GLT6D1: variants seen among roughly 807,000 people sequenced by gnomAD.
The protein encoded by GLT6D1 is putative glycosyltransferase 6 domain-containing protein 1.
Under a neutral mutation model 12.3 loss-of-function variants are expected in GLT6D1, and 9 were observed. The observed-to-expected ratio is 0.73, with a 90% confidence interval of 0.44 to 1.27. The LOEUF (loss-of-function observed/expected upper bound fraction) is 1.27, where lower values mean the gene tolerates loss of function less well. Among genes scored for constraint, GLT6D1 ranks in the 50% most tolerant of loss-of-function variants. GLT6D1 has a pLI of 0.00. For synonymous variants in GLT6D1, 128 were observed against 132.3 expected, an observed-to-expected ratio of 0.97 and a Z score of 0.23; for missense variants, 335 against 346.2, an observed-to-expected ratio of 0.97 and a Z score of 0.26.
Position 135,639,309 on chromosome 9 carries a change from A to G in GLT6D1, c.-23T>C, listed in dbSNP as rs1039510510. On this transcript the variant is annotated 5_prime_UTR_variant, in exon 1 of 5. Transcript: ENST00000371763. The stretch of plus-strand genomic sequence containing the variant: ...GACACCAACCTTAGAGGTTGCTTCT[A>G]GAATGTTCAGCTGGCAGGAGACAGC... The G allele has an allele frequency of 1.0e-5, 6 of 574,950 alleles. No homozygotes were observed. In the Admixed American group the frequency reaches 1.3e-4, roughly 13 times the overall value. The allele number at this position is 574,950 out of a possible 1,614,324, so 35.6% of individuals were successfully genotyped here. A position where few individuals can be genotyped will look rare whatever the true frequency, so the allele number is the denominator to read the frequency against.
intron 3 of GLT6D1, among the ~76,000 whole-genome samples, chr9:135,628,233 C>T (rs763799192): frequency 6.6e-6 from 1 of 152,004 alleles, no homozygotes; most frequent in East Asian, 1.9e-4. Context: ...ACTTTTGACT[C>T]ATCAGGTTGA....
chr9:135,630,337 C>T (rs1179639518), intron 3 of GLT6D1, among the ~76,000 whole-genome samples: 1 of 144,386 alleles, frequency 6.9e-6, no homozygotes, highest in Non-Finnish European at 1.5e-5. Flanking sequence ...ACCCAGCAGG[C>T]AGAGCTTGCA....
At position 135,639,283 on chromosome 9, in the gene GLT6D1, G is replaced by T; in HGVS notation, c.-7+10C>A. On this transcript the variant is annotated intron_variant, in intron 1 of 4. Coordinates refer to ENST00000371763, the MANE Select transcript of GLT6D1 (RefSeq NM_182974.3). ...AACAATGGGTTAATGTATGGGCATT[G>T]GACACCAACCTTAGAGGTTGCTTCT... 1 of 677,096 alleles carries T rather than the reference G, an allele frequency of 1.5e-6. No individual in the cohort carries two copies. Among genetic ancestry groups the T allele is most frequent in the East Asian group, 2.9e-5 (1 of 34,574 alleles). 41.9% of individuals were successfully genotyped at this position (677,096 alleles called of 1,614,324 possible). A position where few individuals can be genotyped will look rare whatever the true frequency, so the allele number is the denominator to read the frequency against.
At chr9:135,634,227 C>G (rs1040889226) in intron 2 of GLT6D1, among the ~76,000 whole-genome samples, 2 of 152,146 alleles carry the variant, frequency 1.3e-5, no homozygotes, top group African/African-American at 4.8e-5. Flanking sequence ...CTCCCAGATT[C>G]AAGCTATTCT....
At chr9:135,630,018 T>C (rs1050309580) in intron 3 of GLT6D1, among the ~76,000 whole-genome samples, 1 of 152,212 alleles carries the variant, frequency 6.6e-6, no homozygotes, top group Non-Finnish European at 1.5e-5. Flanking sequence ...TATAAATATG[T>C]TTTTATACAT....
At chr9:135,629,152 T>G (rs905173868) in intron 3 of GLT6D1, among the ~76,000 whole-genome samples, 7 of 152,112 alleles carry the variant, frequency 4.6e-5, no homozygotes, top group Non-Finnish European at 1.5e-5. Context: ...TGTATAAAGT[T>G]TAAGACCAGC....
chr9:135,630,895 C>T (rs1317862373), intron 3 of GLT6D1, among the ~76,000 whole-genome samples: 1 of 151,156 alleles, frequency 6.6e-6, no homozygotes, highest in Non-Finnish European at 1.5e-5. Context: ...TTAAAATTTA[C>T]ATCAAAAATT....
Position 135,625,980 on chromosome 9 carries a change from T to C in GLT6D1, c.257+89A>G, listed in dbSNP as rs545209493. The C allele has an allele frequency of 3.4e-4, 485 of 1,430,318 alleles. 2 individuals carry two copies. The African/African-American group carries it at 5.2e-3, about 15-fold the overall frequency. 88.6% of individuals were successfully genotyped at this position (1,430,318 alleles called of 1,614,324 possible). The stretch of plus-strand genomic sequence containing the variant: ...TATTGTTATCACTAATTATGCTTAA[T>C]TATGGTTGGCTCTTTGGAGGTTAAA... On this transcript the variant is annotated intron_variant, in intron 4 of 4. Coordinates refer to ENST00000371763, the MANE Select transcript of GLT6D1 (RefSeq NM_182974.3).
At chr9:135,634,465 G>GTTTTTTTTT (rs1833723992) in intron 2 of GLT6D1, among the ~76,000 whole-genome samples, 1 of 103,246 alleles carries the variant, frequency 9.7e-6, no homozygotes, top group Non-Finnish European at 1.8e-5. Context: ...TTTTTTTTTT[G>GTTTTTTTTT]GCATGATTTA....
At position 135,631,455 on chromosome 9, in the gene GLT6D1, C is replaced by T. The variant is rs764884818; in HGVS notation, c.95G>A (p.Arg32Gln). 84 of 1,611,350 alleles carry T rather than the reference C, an allele frequency of 5.2e-5. No homozygotes were observed. Among genetic ancestry groups the T allele is most frequent in the Non-Finnish European group, 6.5e-5 (77 of 1,177,768 alleles). ...CCTAGGATGAAACCAGTCTGAGAGC[C>T]GAAGTTCTTCTACTTGGTGATTCCT... ...YFRNHQVEEL[R>Q]LSDWFHPRKR... The change falls in exon 3 of 5, where the codon CGG (arginine) becomes CAG (glutamine). Residue 32 changes from arginine (R) to glutamine (Q), a missense_variant. Transcript: ENST00000371763.
chr9:135,639,048 A>T, intron 2 of GLT6D1, 69 bp downstream of exon 2: 1 of 837,372 alleles, frequency 1.2e-6, no homozygotes, highest in Non-Finnish European at 1.9e-6. Flanking sequence ...TAAATTAATT[A>T]ATTTAATTAA....
chr9:135,633,965 C>T (rs544342780), intron 2 of GLT6D1, among the ~76,000 whole-genome samples: 5 of 152,272 alleles, frequency 3.3e-5, no homozygotes, highest in Admixed American at 2.6e-4. Flanking sequence ...CATGGATTAG[C>T]GTATGGGTCC....
intron 3 of GLT6D1, among the ~76,000 whole-genome samples, 155 bp downstream of exon 3, chr9:135,631,276 G>A (rs1833640372): frequency 6.6e-6 from 1 of 152,192 alleles, no homozygotes; most frequent in Non-Finnish European, 1.5e-5. Flanking sequence ...TTGATCAACA[G>A]ACCCTGGTTT....
intron 3 of GLT6D1, among the ~76,000 whole-genome samples, chr9:135,630,177 G>C (rs1204261806): frequency 2.0e-5 from 3 of 151,732 alleles, no homozygotes; most frequent in African/African-American, 7.3e-5. Context: ...AGGCTAAGGA[G>C]GGTGGATCAC....
upstream of GLT6D1, among the ~76,000 whole-genome samples, chr9:135,640,187 T>C (rs1833863421): frequency 6.6e-6 from 1 of 152,122 alleles, no homozygotes; most frequent in South Asian, 2.1e-4. Flanking sequence ...ATGCAGCTGC[T>C]GTGAAATGAG....
In GLT6D1 at chr9:135,625,959, G is replaced by A. The variant is rs966577244; in HGVS notation, c.257+110C>T. ...TTTCTCCCCAGAAATCGTGGCTATT[G>A]TTATCACTAATTATGCTTAATTATG... On this transcript the variant is annotated intron_variant, in intron 4 of 4. Coordinates refer to ENST00000371763, the MANE Select transcript of GLT6D1 (RefSeq NM_182974.3). 4.0e-6 allele frequency: 5 copies of A among 1,250,156 alleles called. No individual in the cohort carries two copies. In the African/African-American group the frequency reaches 7.5e-5, roughly 19 times the overall value. 77.4% of individuals were successfully genotyped at this position (1,250,156 alleles called of 1,614,324 possible).
chr9:135,626,104 A>G lies in GLT6D1; in HGVS notation c.222T>C (p.Asn74=), dbSNP rs1833508793. 16 of 1,614,042 alleles carry G rather than the reference A, an allele frequency of 9.9e-6. No individual in the cohort carries two copies. The highest frequency in any genetic ancestry group is 1.4e-5 in the Non-Finnish European group (16 of 1,180,038). The change falls in exon 4 of 5, where the codon AAT becomes AAC. Residue 74 remains asparagine (N), a synonymous_variant. Coordinates refer to ENST00000371763, the MANE Select transcript of GLT6D1 (RefSeq NM_182974.3). ...RVLEKHYRRR[N]ITVGLAVFAT... is the part of the protein sequence containing the mutation. ...CAAAGACGGCCAGGCCCACAGTGATATTCCGCCTTCTGTAATGTTTTTCCA... is the reference window on the plus strand; with the variant it reads ...CAAAGACGGCCAGGCCCACAGTGATGTTCCGCCTTCTGTAATGTTTTTCCA...
At position 135,624,458 on chromosome 9, in the gene GLT6D1, T is replaced by C. The variant is rs371882669; in HGVS notation, c.470A>G (p.His157Arg). Residue 157 changes from histidine to arginine, a missense_variant, in exon 5 of 5, where the codon CAC becomes CGC. By Grantham distance (29) the His-to-Arg change is conservative. Coordinates refer to ENST00000371763, the MANE Select transcript of GLT6D1 (RefSeq NM_182974.3). ...PLVHVKSLGE[H>R]IASHIQDEVD... is the part of the protein sequence containing the mutation. ...CTCGTCCTGGATGTGACTGGCGATG[T>C]GTTCACCCAGGCTCTTCACATGCAC... 1 of 1,614,004 alleles carries C rather than the reference T, an allele frequency of 6.2e-7. No homozygotes were observed. Among genetic ancestry groups the C allele is most frequent in the Non-Finnish European group, 8.5e-7 (1 of 1,180,030 alleles).
intron 4 of GLT6D1, among the ~76,000 whole-genome samples, chr9:135,625,846 C>T (rs772214891): frequency 6.6e-6 from 1 of 152,174 alleles, no homozygotes; most frequent in African/African-American, 2.4e-5. Context: ...ATCAGACATC[C>T]GATCTTGCAA....
Sources: gnomAD v4.1 joint callset for allele counts (sites outside exome capture counted in the v4.1 genomes callset) on GRCh38, gnomAD v4.1.1 for gene constraint, MANE v1.5 for transcripts, NCBI Gene and HGNC (gene_info 2026-07-23, HGNC 2026-07-21) for gene names.